The following MCEE variants were observed in gnomAD, a reference collection of about 807,000 sequenced individuals.
MCEE encodes methylmalonyl-CoA epimerase, mitochondrial.
MCEE carries 6 observed loss-of-function variants against 12.9 expected under a neutral mutation model. That is an observed-to-expected ratio of 0.47 (90% CI 0.26 to 0.92). The LOEUF is 0.92. MCEE is among the 40% of genes least tolerant of loss of function. The pLI is 0.16. For synonymous variants in MCEE, 78 were observed against 77.9 expected, an observed-to-expected ratio of 1.00 and a Z score of -0.01; for missense variants, 214 against 212.1, an observed-to-expected ratio of 1.01 and a Z score of -0.05.
rs1673165972 is a variant in MCEE, at chr2:71,124,203, T to C, written c.378+3A>G. ...ATACCAGGCATTAAAATAATTAAAA[T>C]ACCTCGATGCAGATGTGATGCATTC... On this transcript the variant is annotated splice_donor_region_variant and intron_variant, in intron 2 of 2. Transcript: ENST00000244217. 1 of 1,606,276 alleles carries C rather than the reference T, an allele frequency of 6.2e-7. No individual in the cohort carries two copies. The highest frequency in any genetic ancestry group is 1.3e-5 in the African/African-American group (1 of 74,768).
intron 1 of MCEE, among the ~76,000 whole-genome samples, chr2:71,129,047 G>A (rs1673304925): frequency 6.6e-6 from 1 of 151,048 alleles, no homozygotes; most frequent in African/African-American, 2.4e-5. Flanking sequence ...ACACACACAA[G>A]TGGAGACATT....
intron 2 of MCEE, among the ~76,000 whole-genome samples, chr2:71,122,524 C>T (rs139183331): frequency 5.3e-5 from 8 of 152,286 alleles, no homozygotes; most frequent in African/African-American, 1.4e-4. Context: ...GGAGGCCTCA[C>T]ACTCATGGCA....
chr2:71,118,249 C>T (rs1384179976), intron 2 of MCEE: 1 of 150,996 alleles, frequency 6.6e-6, no homozygotes, highest in African/African-American at 2.5e-5. Flanking sequence ...CAACTCCCCA[C>T]ATTAGTCACC....
chr2:71,118,050 T>C (rs1673028632), intron 2 of MCEE, among the ~76,000 whole-genome samples: 1 of 150,222 alleles, frequency 6.7e-6, no homozygotes, highest in Non-Finnish European at 1.5e-5. Context: ...CAGTCCTCCT[T>C]GCCTTTTGTG....
At chr2:71,110,286 G>A (rs537580313) in intron 2 of MCEE, among the ~76,000 whole-genome samples, 164 bp from the exon 3 acceptor site, 1 of 152,272 alleles carries the variant, frequency 6.6e-6, no homozygotes, top group East Asian at 1.9e-4. Flanking sequence ...AAAATTTTCA[G>A]AGAAGTAAGA....
chr2:71,111,489 C>T (rs1052816603), intron 2 of MCEE, among the ~76,000 whole-genome samples: 5 of 152,144 alleles, frequency 3.3e-5, no homozygotes, highest in African/African-American at 1.2e-4. Flanking sequence ...CTTCTGAGTA[C>T]TCTTCCCAAT....
intron 1 of MCEE, among the ~76,000 whole-genome samples, chr2:71,129,539 C>A (rs1223863910): frequency 6.7e-6 from 1 of 150,182 alleles, no homozygotes; most frequent in Non-Finnish European, 1.5e-5. Flanking sequence ...AGTCAGAAAA[C>A]GTGACAATTA....
At chr2:71,126,322 G>C (rs1018629805) in intron 1 of MCEE, among the ~76,000 whole-genome samples, 6 of 151,638 alleles carry the variant, frequency 4.0e-5, no homozygotes, top group Non-Finnish European at 8.8e-5. Context: ...CCACCTTCCG[G>C]GTTCAAGCGA....
intron 1 of MCEE, among the ~76,000 whole-genome samples, chr2:71,128,158 G>C (rs564102587): frequency 1.3e-5 from 2 of 152,078 alleles, no homozygotes; most frequent in African/African-American, 4.8e-5. Flanking sequence ...ATTTACAGAC[G>C]ATTAATGAAA....
In MCEE at chr2:71,124,368, C is replaced by T. The variant is rs1299822001; in HGVS notation, c.216G>A (p.Gln72=). 1 of 1,614,128 alleles carries T rather than the reference C, an allele frequency of 6.2e-7. No homozygotes were observed. Among genetic ancestry groups the T allele is most frequent in the Non-Finnish European group, 8.5e-7 (1 of 1,179,996 alleles). The change falls in exon 2 of 3, where the codon CAG becomes CAA. Residue 72 remains glutamine, a synonymous_variant. Coordinates refer to ENST00000244217, the MANE Select transcript of MCEE (RefSeq NM_032601.4). ...CAGGAAGAGGGACCGCTTCACTTAC[C>T]TGGGCCCCCAGAATATTCTTATAAA... ...AAFYKNILGA[Q]VSEAVPLPEH...
At chr2:71,123,795 G>A (rs1444703874) in intron 2 of MCEE, among the ~76,000 whole-genome samples, 2 of 152,158 alleles carry the variant, frequency 1.3e-5, no homozygotes, top group South Asian at 2.1e-4. Flanking sequence ...ATTTTAAAGA[G>A]AGAAAAGAGT....
intron 2 of MCEE, among the ~76,000 whole-genome samples, chr2:71,120,992 C>T (rs1470163235): frequency 6.6e-6 from 1 of 152,192 alleles, no homozygotes; most frequent in African/African-American, 2.4e-5. Flanking sequence ...CCACCTCGGC[C>T]TCCCAAAGTG....
intron 2 of MCEE, among the ~76,000 whole-genome samples, chr2:71,121,601 A>G (rs758179681): frequency 6.6e-6 from 1 of 151,984 alleles, no homozygotes; most frequent in East Asian, 1.9e-4. Context: ...CTGAACTTCC[A>G]CTATTCCTTA....
intron 2 of MCEE, among the ~76,000 whole-genome samples, chr2:71,123,973 G>A (rs10210446): frequency 2.0e-3 from 306 of 152,234 alleles, no homozygotes; most frequent in African/African-American, 6.4e-3. Context: ...GGCACTTACA[G>A]TGGTCACTGA....
chr2:71,124,802 T>C (rs919881026), intron 1 of MCEE, among the ~76,000 whole-genome samples: 1 of 152,144 alleles, frequency 6.6e-6, no homozygotes, highest in African/African-American at 2.4e-5. Flanking sequence ...ATAACATTTT[T>C]TCATAACAAT....
chr2:71,129,919 C>T (rs745374054), intron 1 of MCEE: 30 of 581,974 alleles, frequency 5.2e-5, no homozygotes, highest in Middle Eastern at 9.0e-4. Context: ...ACTCTCCCGC[C>T]CACATACTGG....
rs1275541341 is a variant in MCEE at position 71,116,370 on chromosome 2, GC to G, written c.379-6249del. ...TTACAGGCGTGAGCCACCATGCCCG[GC>G]CCTTTACTTTTCACTTCAACTTCTT... On this transcript the variant is annotated intron_variant, in intron 2 of 2. Coordinates refer to ENST00000244217, the MANE Select transcript of MCEE (RefSeq NM_032601.4). Among the ~76,000 whole-genome samples the G allele has an allele frequency of 2.1e-4, 31 of 149,706 alleles. 3 individuals carry two copies. The highest frequency in any genetic ancestry group is 7.4e-4 in the African/African-American group (29 of 39,378).
At chr2:71,113,515 A>G (rs1025357172) in intron 2 of MCEE, among the ~76,000 whole-genome samples, 2 of 152,354 alleles carry the variant, frequency 1.3e-5, no homozygotes, top group African/African-American at 4.8e-5. Context: ...TAGAAGATGA[A>G]TTTGGAGTAT....
At chr2:71,125,208 TATA>T (rs1398944942) in intron 1 of MCEE, among the ~76,000 whole-genome samples, 1 of 61,896 alleles carries the variant, frequency 1.6e-5, no homozygotes, top group African/African-American at 7.6e-5. Context: ...TATATATATA[TATA>T]TTTTTTTTTT....
Sources: allele counts gnomAD v4.1 joint callset (sites outside exome capture counted in the v4.1 genomes callset), GRCh38; gene constraint gnomAD v4.1.1; transcripts MANE v1.5; gene names NCBI Gene and HGNC (gene_info 2026-07-23, HGNC 2026-07-21).